Variants in RBFOX2 observed in about 807,000 individuals in gnomAD.
RBFOX2 encodes RNA binding protein fox-1 homolog 2.
A neutral mutation model predicts 49.1 loss-of-function variants in RBFOX2; 10 were observed. The observed-to-expected ratio is 0.20, with a 90% CI of 0.13 to 0.35. The LOEUF is 0.35. Ranked by LOEUF, RBFOX2 falls within the 10% of genes least tolerant of loss-of-function variation. The probability of loss-of-function intolerance (pLI) is 1.00; values close to 1 mark genes in which losing one functional copy is unlikely to be tolerated. For missense variants in RBFOX2, 323 were observed against 486.9 expected (o/e 0.66, Z 3.17); for synonymous variants, 183 against 187.4 (o/e 0.98, Z 0.19).
At chr22:35,952,928 T>A (rs923412411) in intron 1 of RBFOX2, among the ~76,000 whole-genome samples, 1 of 152,000 alleles carries the variant, frequency 6.6e-6, no homozygotes, top group Non-Finnish European at 1.5e-5. Context: ...AGCCAAAGGA[T>A]GGGCTGGGTG....
chr22:35,947,672 TAAAAAAAAAAAAAA>T (rs559788717), intron 1 of RBFOX2, among the ~76,000 whole-genome samples: 89 of 34,126 alleles, frequency 2.6e-3, no homozygotes, highest in Non-Finnish European at 3.7e-3. Flanking sequence ...GTTTAAAAAG[TAAAAAAAAAAAAAA>T]AAAAAAAAAA....
chr22:35,992,345 G>A (rs377307305), intron 1 of RBFOX2: 1 of 152,150 alleles, frequency 6.6e-6, no homozygotes, highest in Non-Finnish European at 1.5e-5. Context: ...CTATGTTTAA[G>A]TATTCAACTA....
chr22:35,768,116 G>T, intron 5 of RBFOX2, 141 bp downstream of exon 6: 1 of 834,242 alleles, frequency 1.2e-6, no homozygotes, highest in Non-Finnish European at 1.9e-6. Context: ...GTGCAAGAAG[G>T]TGAAGAAGAC....
intron 1 of RBFOX2, among the ~76,000 whole-genome samples, chr22:35,910,208 C>T (rs1355612001): frequency 6.6e-6 from 1 of 152,186 alleles, no homozygotes; most frequent in African/African-American, 2.4e-5. Context: ...AATCCACACA[C>T]ACATTGTACG....
chr22:35,975,946 A>G (rs1239664495), intron 1 of RBFOX2, among the ~76,000 whole-genome samples: 1 of 152,240 alleles, frequency 6.6e-6, no homozygotes, highest in Non-Finnish European at 1.5e-5. Context: ...TAACAAAAAC[A>G]TATGCCATTA....
upstream of RBFOX2, among the ~76,000 whole-genome samples, chr22:35,943,421 A>G (rs759933224): frequency 1.3e-5 from 2 of 151,048 alleles, no homozygotes; most frequent in African/African-American, 4.9e-5. Context: ...ATTAAGAATG[A>G]AAGAAACGGA....
chr22:35,797,840 C>T (rs1476793054), intron 2 of RBFOX2, among the ~76,000 whole-genome samples: 1 of 152,186 alleles, frequency 6.6e-6, no homozygotes, highest in Non-Finnish European at 1.5e-5. Context: ...AAGGATTGTC[C>T]CTGCCTGCAA....
intron 1 of RBFOX2, among the ~76,000 whole-genome samples, chr22:35,938,450 T>C (rs2053342151): frequency 6.6e-6 from 1 of 152,162 alleles, no homozygotes; most frequent in Non-Finnish European, 1.5e-5. Context: ...AGAATGGAAT[T>C]TTCTTGCTAC....
chr22:35,843,397 A>C (rs2040761612), upstream of RBFOX2, among the ~76,000 whole-genome samples: 2 of 152,102 alleles, frequency 1.3e-5, no homozygotes, highest in South Asian at 2.1e-4. Flanking sequence ...ATATTTATTA[A>C]ATAAACAAAT....
At chr22:35,753,884 G>A (rs1198803720) in intron 9 of RBFOX2, among the ~76,000 whole-genome samples, 6 of 143,746 alleles carry the variant, frequency 4.2e-5, no homozygotes, top group African/African-American at 1.5e-4. Context: ...CAGGGTTCAA[G>A]TGATTCTCCT....
intron 1 of RBFOX2, among the ~76,000 whole-genome samples, chr22:35,920,250 G>A (rs918783043): frequency 8.5e-5 from 13 of 152,230 alleles, no homozygotes; most frequent in African/African-American, 2.6e-4. Context: ...ATGATGCCTG[G>A]TCATGAAGGT....
At position 35,778,089 on chromosome 22, in the gene RBFOX2, A is replaced by G. The variant is rs1400483275; in HGVS notation, c.400-11T>C. 1 of 1,603,532 alleles carries G rather than the reference A, an allele frequency of 6.2e-7. No individual in the cohort carries two copies. The highest frequency in any genetic ancestry group is 1.7e-5 in the Admixed American group (1 of 58,928). On this transcript the variant is annotated splice_polypyrimidine_tract_variant and intron_variant, in intron 3 of 11. Coordinates refer to ENST00000405409, the Ensembl canonical transcript of RBFOX2. ...GATTTTGCCAAACTGCTGCAGAGAT[A>G]AAAATAAAAACGTTTACTTATGGTC... is the stretch of plus-strand genomic sequence containing the variant.
intron 1 of RBFOX2, among the ~76,000 whole-genome samples, chr22:35,909,124 G>A (rs1352717845): frequency 1.3e-5 from 2 of 152,200 alleles, no homozygotes; most frequent in East Asian, 3.8e-4. Context: ...TTACAGGAGT[G>A]AGCCACTGCG....
intron 1 of RBFOX2, among the ~76,000 whole-genome samples, chr22:35,880,015 G>A (rs1174845291): frequency 6.6e-6 from 1 of 152,132 alleles, no homozygotes; most frequent in African/African-American, 2.4e-5. Context: ...AATTAGCTAG[G>A]CATGGTGGCG....
rs1290388734 is a variant in RBFOX2 at position 35,840,308 on chromosome 22, T to G, written c.-90A>C. 1.1e-4 allele frequency: 112 copies of G among 1,029,636 alleles called. No homozygotes were observed. In the Admixed American group the frequency reaches 1.1e-3, roughly 10 times the overall value. The allele number at this position is 1,029,636 out of a possible 1,614,324, so 63.8% of individuals were successfully genotyped here. A position where few individuals can be genotyped will look rare whatever the true frequency, so the allele number is the denominator to read the frequency against. On this transcript the variant is annotated 5_prime_UTR_variant, in exon 1 of 12. Transcript: ENST00000405409. ...CTTTTCCACCCCCCTCCCCCCCCAA[T>G]CTAGCTATTTAAGGGTGGGTAATTG...
intron 1 of RBFOX2, among the ~76,000 whole-genome samples, chr22:35,928,792 T>C (rs766732778): frequency 1.3e-5 from 2 of 152,148 alleles, no homozygotes; most frequent in Non-Finnish European, 2.9e-5. Context: ...AAGACCTGAA[T>C]AGACATCTCA....
At chr22:35,877,295 G>GA (rs369695710) in intron 1 of RBFOX2, among the ~76,000 whole-genome samples, 1 of 151,654 alleles carries the variant, frequency 6.6e-6, no homozygotes, top group African/African-American at 2.4e-5. Flanking sequence ...GAAAGGAAGA[G>GA]AAAAAAAAGA....
At chr22:35,832,354 AAG>A (rs1399920838) in intron 1 of RBFOX2, among the ~76,000 whole-genome samples, 1 of 151,914 alleles carries the variant, frequency 6.6e-6, no homozygotes, top group African/African-American at 2.4e-5. Flanking sequence ...ACCTGGGCGA[AAG>A]AGTGAGACCC....
chr22:36,018,003 G>T (rs2059108014), intron 1 of RBFOX2, among the ~76,000 whole-genome samples: 1 of 152,182 alleles, frequency 6.6e-6, no homozygotes, highest in South Asian at 2.1e-4. Flanking sequence ...CTTCACAGGG[G>T]ATAGAAAGCA....
Sources: gnomAD v4.1 joint callset for allele counts (sites outside exome capture counted in the v4.1 genomes callset) on GRCh38, gnomAD v4.1.1 for gene constraint, MANE v1.5 for transcripts, NCBI Gene and HGNC (gene_info 2026-07-23, HGNC 2026-07-21) for gene names.